PCLO: variants seen among roughly 807,000 people sequenced by gnomAD.
PCLO encodes the protein piccolo presynaptic cytomatrix protein, also known as protein piccolo.
Under a neutral mutation model 427.5 loss-of-function variants are expected in PCLO, and 82 were observed. The observed-to-expected ratio is 0.19, with a 90% CI of 0.16 to 0.23. The LOEUF (loss-of-function observed/expected upper bound fraction) is 0.23. Among genes scored for constraint, PCLO ranks in the 10% least tolerant of loss-of-function variants. The pLI is 1.00. For missense variants in PCLO, 6,239 were observed against 6,115.9 expected, an observed-to-expected ratio of 1.02 and a Z score of -0.67; for synonymous variants, 2,357 against 2,155.4, an observed-to-expected ratio of 1.09 and a Z score of -2.59.
chr7:83,143,296 C>G (rs1424970884), intron 2 of PCLO, among the ~76,000 whole-genome samples: 2 of 152,170 alleles, frequency 1.3e-5, no homozygotes, highest in African/African-American at 4.8e-5. Flanking sequence ...AGATGACTCA[C>G]TGTAGTTGAC....
chr7:82,783,556 A>T (rs770924941), intron 22 of PCLO, among the ~76,000 whole-genome samples: 4 of 152,130 alleles, frequency 2.6e-5, no homozygotes, highest in Non-Finnish European at 5.9e-5. Flanking sequence ...CGGGAGGCGG[A>T]GCTTGCAGTG....
rs897179655 is a variant in PCLO at position 83,162,862 on chromosome 7, C to G, written c.-270G>C. On this transcript the variant is annotated 5_prime_UTR_variant, in exon 1 of 25. Transcript: ENST00000333891. Reference sequence around the variant, plus strand: ...ACCTCCCGGACGCCGCCTCGGCGCCCCGAGCCGGGGAGAAGCAGATCTGAG... The same window carrying G: ...ACCTCCCGGACGCCGCCTCGGCGCCGCGAGCCGGGGAGAAGCAGATCTGAG... 3.5e-4 allele frequency: 173 copies of G among 500,504 alleles called. 1 individual carries two copies. In the East Asian group the frequency reaches 4.7e-3, roughly 14 times the overall value. 31.0% of individuals were successfully genotyped at this position (500,504 alleles called of 1,614,324 possible). A position where few individuals can be genotyped will look rare whatever the true frequency, so the allele number is the denominator to read the frequency against.
intron 7 of PCLO, 36 bp downstream of exon 7, chr7:82,914,650 T>A (rs1466803276): frequency 5.6e-6 from 9 of 1,603,028 alleles, no homozygotes; most frequent in Non-Finnish European, 6.8e-6. Flanking sequence ...GAGTTTGAGT[T>A]TTGAGAGTAA....
At chr7:82,805,597 G>A (rs944089478) in intron 21 of PCLO, 91 bp downstream of exon 21, 2 of 1,227,628 alleles carry the variant, frequency 1.6e-6, no homozygotes, top group Non-Finnish European at 2.3e-6. Context: ...TCAGAATTGG[G>A]TAATTATCCA....
At position 82,756,456 on chromosome 7, in the gene PCLO, G is replaced by T. The variant is rs1175744753; in HGVS notation, c.*2119C>A. 44 of 152,140 alleles carry T rather than the reference G, an allele frequency of 2.9e-4. No homozygotes were observed. The highest frequency in any genetic ancestry group is 2.9e-3 in the Admixed American group (44 of 15,250). 9.4% of individuals were successfully genotyped at this position (152,140 alleles called of 1,614,324 possible). A position where few individuals can be genotyped will look rare whatever the true frequency, so the allele number is the denominator to read the frequency against. ...GGTAAATGACATTGTATTGTCAGTG[G>T]AGGGGGATTAAAAAATAGAGGGAAG... On this transcript the variant is annotated 3_prime_UTR_variant, in exon 25 of 25. Coordinates refer to ENST00000333891, the MANE Select transcript of PCLO (RefSeq NM_033026.6).
At chr7:83,096,436 T>C (rs533300744) in intron 3 of PCLO, among the ~76,000 whole-genome samples, 1 of 152,152 alleles carries the variant, frequency 6.6e-6, no homozygotes, top group African/African-American at 2.4e-5. Flanking sequence ...GTCTTCTAAC[T>C]CAGTGACTTT....
At chr7:83,065,076 G>A (rs1392803892) in intron 3 of PCLO, among the ~76,000 whole-genome samples, 1 of 149,534 alleles carries the variant, frequency 6.7e-6, no homozygotes, top group Non-Finnish European at 1.5e-5. Flanking sequence ...AAAAAAGAGA[G>A]ACTAAGTGGA....
intron 3 of PCLO, among the ~76,000 whole-genome samples, chr7:83,093,137 T>C (rs1790424279): frequency 6.6e-6 from 1 of 151,926 alleles, no homozygotes; most frequent in Non-Finnish European, 1.5e-5. Flanking sequence ...AAATCTTCAA[T>C]TGCAATTGAA....
rs139066156 is a variant in PCLO, at chr7:82,949,558, C to T, written c.11030G>A (p.Arg3677His). ...ASPKTAKMMQ[R>H]SMSDPKPLSP... Reference sequence around the variant, plus strand: ...CAGAGGCTTGGGGTCAGACATAGAACGCTGCATCATCTTGGCTGTCTTAGG... The same window carrying T: ...CAGAGGCTTGGGGTCAGACATAGAATGCTGCATCATCTTGGCTGTCTTAGG... Residue 3677 changes from arginine to histidine, a missense_variant, in exon 6 of 25, where the codon CGT becomes CAT. Physicochemically the swap from Arg to His is conservative, Grantham distance 29 (BLOSUM62 0). Transcript: ENST00000333891. 1.2e-5 allele frequency: 19 copies of T among 1,613,806 alleles called. No homozygotes were observed. In the East Asian group the frequency reaches 2.7e-4, roughly 23 times the overall value.
In PCLO at chr7:82,949,211, ATG is replaced by A. The variant is rs1326154834; in HGVS notation, c.11112+263_11112+264del. On this transcript the variant is annotated intron_variant, in intron 6 of 24. Coordinates refer to ENST00000333891, the MANE Select transcript of PCLO (RefSeq NM_033026.6). ...TAATAAACTCATTTTGCTTCACATA[ATG>A]TGTTTTCTTTCTTTGGTATTTTTAA... Among the ~76,000 whole-genome samples, 5 of 151,968 alleles carry A rather than the reference ATG, an allele frequency of 3.3e-5. No individual in the cohort carries two copies. In the East Asian group the frequency reaches 7.7e-4, roughly 23 times the overall value.
In PCLO at chr7:83,006,114, G is replaced by C. The variant is rs1030753274; in HGVS notation, c.3301-39627C>G. On this transcript the variant is annotated intron_variant, in intron 3 of 24. Transcript: ENST00000333891. Reference sequence around the variant, plus strand: ...ATTAACAAGGTCCCCCCTTCCAAAGGGTTTAAGACAATAACAGCACCAGCA... The same window carrying C: ...ATTAACAAGGTCCCCCCTTCCAAAGCGTTTAAGACAATAACAGCACCAGCA... Among the ~76,000 whole-genome samples the C allele has an allele frequency of 2.0e-5, 3 of 151,404 alleles. No individual in the cohort carries two copies. The Admixed American group carries it at 2.0e-4, about 10-fold the overall frequency.
At chr7:82,780,673 G>C (rs1173508774) in intron 22 of PCLO, among the ~76,000 whole-genome samples, 1 of 152,160 alleles carries the variant, frequency 6.6e-6, no homozygotes, top group East Asian at 1.9e-4. Flanking sequence ...TCAGCCTCGC[G>C]AGTGGCTTAT....
At chr7:82,879,254 A>G (rs958139128) in intron 10 of PCLO, 83 bp downstream of exon 10, 13 of 1,219,434 alleles carry the variant, frequency 1.1e-5, no homozygotes, top group African/African-American at 7.7e-5. Flanking sequence ...ACAGAGAAGG[A>G]TGAGAACATT....
chr7:83,039,930 T>C (rs1788930272), intron 3 of PCLO, among the ~76,000 whole-genome samples: 1 of 152,138 alleles, frequency 6.6e-6, no homozygotes, highest in South Asian at 2.1e-4. Flanking sequence ...TGTGATGCTA[T>C]TATAAGTAGA....
At chr7:83,149,752 AG>A (rs372454783) in intron 2 of PCLO, among the ~76,000 whole-genome samples, 40 of 152,340 alleles carry the variant, frequency 2.6e-4, no homozygotes, top group African/African-American at 8.4e-4. Flanking sequence ...TAGAAAAATA[AG>A]ATGCAACAGG....
chr7:82,950,654 T>C lies in PCLO; in HGVS notation c.9934A>G (p.Ile3312Val), dbSNP rs775920362. The C allele has an allele frequency of 3.7e-6, 6 of 1,613,810 alleles. No homozygotes were observed. In the South Asian group the frequency reaches 4.4e-5, roughly 12 times the overall value. The change falls in exon 6 of 25, where the codon ATT (isoleucine) becomes GTT (valine). Residue 3312 changes from isoleucine (I) to valine (V), a missense_variant. This residue lies in a region of PCLO where 4,677 missense variants were observed against 4,468.4 expected (regional missense o/e 1.05). Coordinates refer to ENST00000333891, the MANE Select transcript of PCLO (RefSeq NM_033026.6). ...TAGTTATACTGGTAGATCTGCCGAA[T>C]CTTTTGCTCCTCCAGCTGCTGGTGA... The part of the protein sequence containing the change: ...QLHQQLEEQK[I>V]RQIYQYNYDP...
At chr7:82,834,179 A>G (rs1300396633) in intron 16 of PCLO, among the ~76,000 whole-genome samples, 1 of 152,182 alleles carries the variant, frequency 6.6e-6, no homozygotes, top group African/African-American at 2.4e-5. Context: ...TACAATCTCT[A>G]TCATTCTGAT....
At chr7:83,009,391 G>C (rs1428416399) in intron 3 of PCLO, among the ~76,000 whole-genome samples, 1 of 151,758 alleles carries the variant, frequency 6.6e-6, no homozygotes, top group Non-Finnish European at 1.5e-5. Flanking sequence ...TTTGTGATTT[G>C]TGAGCAAGTT....
At position 82,916,243 on chromosome 7, in the gene PCLO, A is replaced by C. The variant is rs754796136; in HGVS notation, c.11743T>G (p.Tyr3915Asp). Residue 3915 changes from tyrosine to aspartate, a missense_variant, in exon 7 of 25, where the codon TAC becomes GAC. Physicochemically the swap from Tyr to Asp is radical, Grantham distance 160. Transcript: ENST00000333891. ...TGATAAGGTGAAACTTGCTGATGGT[A>C]CAAAGTTTGTTGCTCAAAATGAGAC... ...QQSHFEQQTL[Y>D]HQQVSPYQTQ... The C allele has an allele frequency of 1.2e-6, 2 of 1,613,744 alleles. No homozygotes were observed. Among genetic ancestry groups the C allele is most frequent in the Non-Finnish European group, 1.7e-6 (2 of 1,179,742 alleles).
Sources: gnomAD v4.1 joint callset for allele counts (sites outside exome capture counted in the v4.1 genomes callset) on GRCh38, gnomAD v4.1.1 for gene constraint, gnomAD v4.1.1 regional missense constraint, MANE v1.5 for transcripts, NCBI Gene and HGNC (gene_info 2026-07-23, HGNC 2026-07-21) for gene names.